The following RBM3 variants were observed in gnomAD, a reference collection of about 807,000 sequenced individuals.
RBM3 encodes RNA-binding protein 3.
Under a neutral mutation model 12.0 loss-of-function variants are expected in RBM3, and 3 were observed. That is an observed-to-expected ratio of 0.25 (90% CI 0.11 to 0.65). RBM3 has a LOEUF of 0.65. Ranked by LOEUF, RBM3 falls within the 30% of genes least tolerant of loss-of-function variation. The pLI, the probability that RBM3 is intolerant of heterozygous loss-of-function variation, is 0.84. For missense variants in RBM3, 108 were observed against 134.5 expected (o/e 0.80, Z 0.97); for synonymous variants, 58 against 45.7 (o/e 1.27, Z -1.08).
rs1185327431 is a variant in RBM3 at position 48,578,359 on chromosome X, G to T, written c.*918G>T. On this transcript the variant is annotated 3_prime_UTR_variant, in exon 7 of 7. Transcript: ENST00000376759. ...GGGCAGAGGTGGGCGGATCACCTGA[G>T]GTCAGGAGTTCGAGACCAGCCTGGC... 3 of 110,759 alleles carry T rather than the reference G, an allele frequency of 2.7e-5. No individual in the cohort carries two copies. Among genetic ancestry groups the T allele is most frequent in the Non-Finnish European group, 5.7e-5 (3 of 52,929 alleles). The allele number at this position is 110,759 out of a possible 1,213,427, so 9.1% of individuals were successfully genotyped here.
chrX:48,580,428 ACT>A lies in RBM3; in HGVS notation c.*2990_*2991del, dbSNP rs1323364044. The stretch of plus-strand genomic sequence containing the variant: ...TTGGTTTTTTTCCAGACAGGGTCTC[ACT>A]CTGTCTCCCAGGCTGGAGTGCAGTG... On this transcript the variant is annotated 3_prime_UTR_variant, in exon 7 of 7. Coordinates refer to ENST00000376759, the MANE Select transcript of RBM3 (RefSeq NM_006743.5). 3.6e-5 allele frequency among the ~76,000 whole-genome samples: 4 copies of A among 110,700 alleles called. No individual in the cohort carries two copies. The highest frequency in any genetic ancestry group is 1.3e-4 in the African/African-American group (4 of 30,394).
intron 2 of RBM3, 136 bp downstream of exon 2, chrX:48,575,419 G>C: frequency 1.3e-6 from 1 of 794,651 alleles, no homozygotes; most frequent in Non-Finnish European, 1.8e-6. Context: ...TGTAGACTAA[G>C]GATGAGGGGA....
chrX:48,576,186 A>G (rs966898722), intron 3 of RBM3, 128 bp from the exon 4 acceptor site: 30 of 1,165,751 alleles, frequency 2.6e-5, no homozygotes, highest in Non-Finnish European at 9.2e-6. Context: ...ATTCTGGAAC[A>G]TGGCACCCAG....
Position 48,575,620 on chromosome X carries a change from A to G in RBM3, c.163A>G (p.Thr55Ala). Residue 55 changes from threonine to alanine, a missense_variant, in exon 3 of 7, where the codon ACC becomes GCC. Coordinates refer to ENST00000376759, the MANE Select transcript of RBM3 (RefSeq NM_006743.5). ...CAGGGGTTTTGGTTTCATCACCTTC[A>G]CCAACCCAGAGCATGCTTCAGTTGC... ...RSRGFGFITF[T>A]NPEHASVAMR... 2 of 1,211,338 alleles carry G rather than the reference A, an allele frequency of 1.7e-6. No homozygotes were observed. Among genetic ancestry groups the G allele is most frequent in the Non-Finnish European group, 2.2e-6 (2 of 895,360 alleles).
At position 48,578,736 on chromosome X, in the gene RBM3, A is replaced by G. The variant is rs1459383604; in HGVS notation, c.*1295A>G. On this transcript the variant is annotated 3_prime_UTR_variant, in exon 7 of 7. Coordinates refer to ENST00000376759, the MANE Select transcript of RBM3 (RefSeq NM_006743.5). ...CTTAGTCCCATTGTTCTGAGAACAT[A>G]AGCACCTAATCTCATGGCGTGAGCT... 1 of 111,801 alleles carries G rather than the reference A, an allele frequency of 8.9e-6. No homozygotes were observed. The highest frequency in any genetic ancestry group is 1.9e-5 in the Non-Finnish European group (1 of 53,197). 9.2% of individuals were successfully genotyped at this position (111,801 alleles called of 1,213,427 possible).
rs1009090754 is a variant in RBM3 at position 48,580,129 on chromosome X, C to T, written c.*2688C>T. 1 of 111,756 alleles carries T rather than the reference C, an allele frequency of 8.9e-6. No individual in the cohort carries two copies. Among genetic ancestry groups the T allele is most frequent in the Non-Finnish European group, 1.9e-5 (1 of 53,187 alleles). 9.2% of individuals were successfully genotyped at this position (111,756 alleles called of 1,213,427 possible). A position where few individuals can be genotyped will look rare whatever the true frequency, so the allele number is the denominator to read the frequency against. On this transcript the variant is annotated 3_prime_UTR_variant, in exon 7 of 7. Coordinates refer to ENST00000376759, the MANE Select transcript of RBM3 (RefSeq NM_006743.5). The stretch of plus-strand genomic sequence containing the variant: ...AGACCAAACACATGGCCTGTAACTA[C>T]TTTTCACTTTCAAGCCCTGGAACTT...
chrX:48,575,514 G>C, intron 2 of RBM3, 47 bp from the exon 3 acceptor site: 2 of 1,101,272 alleles, frequency 1.8e-6, no homozygotes, highest in East Asian at 6.0e-5. Flanking sequence ...CTTAACCTTT[G>C]GGGTACTGAC....
At position 48,577,933 on chromosome X, in the gene RBM3, T is replaced by C. The variant is rs1180589084; in HGVS notation, c.*492T>C. The C allele has an allele frequency of 1.8e-5, 2 of 113,963 alleles. No individual in the cohort carries two copies. The highest frequency in any genetic ancestry group is 6.5e-5 in the African/African-American group (2 of 30,698). The allele number at this position is 113,963 out of a possible 1,213,427, so 9.4% of individuals were successfully genotyped here. A position where few individuals can be genotyped will look rare whatever the true frequency, so the allele number is the denominator to read the frequency against. ...CCATCTGTACTAAACATAAAAAAAT[T>C]AGCCTGGCATGGTGGTGTACGCCTG... is the stretch of plus-strand genomic sequence containing the variant. On this transcript the variant is annotated 3_prime_UTR_variant, in exon 7 of 7. Transcript: ENST00000376759.
chrX:48,580,406 G>T lies in RBM3; in HGVS notation c.*2965G>T, dbSNP rs948455964. On this transcript the variant is annotated 3_prime_UTR_variant, in exon 7 of 7. Transcript: ENST00000376759. ...AGGGGTTAGGAGTGTTTTTTTGTTGGTTTTTTTCCAGACAGGGTCTCACTC... is the reference window on the plus strand; with the variant it reads ...AGGGGTTAGGAGTGTTTTTTTGTTGTTTTTTTTCCAGACAGGGTCTCACTC... 7.2e-5 allele frequency among the ~76,000 whole-genome samples: 8 copies of T among 110,594 alleles called. No homozygotes were observed. The highest frequency in any genetic ancestry group is 3.9e-4 in the Admixed American group (4 of 10,262).
At chrX:48,577,199 C>T in intron 6 of RBM3, 90 bp downstream of exon 6, 2 of 1,178,616 alleles carry the variant, frequency 1.7e-6, no homozygotes, top group Non-Finnish European at 2.3e-6. Context: ...CTCTGCATTT[C>T]TGCTGCCCTC....
rs1312519486 is a variant in RBM3 at position 48,580,824 on chromosome X, A to G, written c.*3383A>G. The G allele has an allele frequency of 1.1e-4, 12 of 111,660 alleles. No homozygotes were observed. The highest frequency in any genetic ancestry group is 3.9e-4 in the African/African-American group (12 of 30,648). 9.2% of individuals were successfully genotyped at this position (111,660 alleles called of 1,213,427 possible). A position where few individuals can be genotyped will look rare whatever the true frequency, so the allele number is the denominator to read the frequency against. On this transcript the variant is annotated 3_prime_UTR_variant, in exon 7 of 7. Coordinates refer to ENST00000376759, the MANE Select transcript of RBM3 (RefSeq NM_006743.5). ...AACTTTTAAAAAGCTTCTTAAAATA[A>G]GTTGCTGTGAATACTTCAGGTATAT...
chrX:48,575,321 G>C (rs1556989001), intron 2 of RBM3, 38 bp downstream of exon 2: 1 of 1,100,230 alleles, frequency 9.1e-7, no homozygotes, highest in African/African-American at 1.8e-5. Context: ...GTTGGTGAGA[G>C]AAAGTCTGGG....
chrX:48,575,912 T>G (rs2062078021), intron 3 of RBM3: 1 of 531,910 alleles, frequency 1.9e-6, no homozygotes, highest in East Asian at 3.7e-5. Flanking sequence ...TTGACCTGCC[T>G]TGGGCTTAGG....
intron 4 of RBM3, 29 bp from the exon 5 acceptor site, chrX:48,576,479 A>G (rs1347335263): frequency 8.4e-7 from 1 of 1,193,830 alleles, no homozygotes; most frequent in Non-Finnish European, 1.1e-6. Context: ...TGTGTGGACA[A>G]CTGCCATTTA....
chrX:48,577,051 T>C lies in RBM3; in HGVS notation c.439T>C (p.Ser147Pro), dbSNP rs1556989484. Residue 147 changes from serine to proline, a missense_variant, in exon 6 of 7, where the codon TCA (serine) becomes CCA (proline). This residue lies in a region of RBM3 where 65 missense variants were observed against 54.9 expected (regional missense o/e 1.18). Transcript: ENST00000376759. The stretch of plus-strand genomic sequence containing the variant: ...AAACCAGGGTGGTTATGACCGCTAC[T>C]CAGGAGGAAATTACAGAGACAATTA... ...GRNQGGYDRY[S>P]GGNYRDNYDN 1 of 1,211,763 alleles carries C rather than the reference T, an allele frequency of 8.3e-7. No individual in the cohort carries two copies. The highest frequency in any genetic ancestry group is 2.2e-5 in the Admixed American group (1 of 45,962).
Position 48,576,379 on chromosome X carries a change from T to C in RBM3, c.276T>C (p.Gly92=), listed in dbSNP as rs2062079895. ...AGTCTGCTCGGGGAACCAGAGGAGG[T>C]GGCTTTGGGGCCCATGGGCGTGGTC... is the stretch of plus-strand genomic sequence containing the variant. ...AGKSARGTRG[G]GFGAHGRGRS... The change falls in exon 4 of 7, where the codon GGT becomes GGC. Residue 92 remains glycine, a synonymous_variant. Transcript: ENST00000376759. 3.3e-6 allele frequency: 4 copies of C among 1,208,875 alleles called. No homozygotes were observed. The highest frequency in any genetic ancestry group is 4.5e-6 in the Non-Finnish European group (4 of 894,897).
Position 48,576,577 on chromosome X carries a change from A to G in RBM3, c.386A>G (p.Tyr129Cys), listed in dbSNP as rs140183600. The change falls in exon 5 of 7, where the codon TAT becomes TGT. Residue 129 changes from tyrosine (Y) to cysteine (C), a missense_variant. Tyr to Cys is a radical substitution (Grantham distance 194). This residue lies in a region of RBM3 where 65 missense variants were observed against 54.9 expected (regional missense o/e 1.18). Transcript: ENST00000376759. The stretch of plus-strand genomic sequence containing the variant: ...CGACCTGGAGGGTATGGATATGGAT[A>G]TGGACGTTCCAGAGACTATAATGGC... The part of the protein sequence containing the change: ...DSRPGGYGYG[Y>C]GRSRDYNGRN... 4.0e-5 allele frequency: 47 copies of G among 1,176,948 alleles called. No individual in the cohort carries two copies. In the African/African-American group the frequency reaches 7.3e-4, roughly 18 times the overall value.
At chrX:48,574,748 G>A (rs1462460703) in intron 1 of RBM3, 175 bp downstream of exon 1, 2 of 330,939 alleles carry the variant, frequency 6.0e-6, no homozygotes, top group African/African-American at 5.3e-5. Flanking sequence ...GTGGGAGGCC[G>A]GCGCGCTGTA....
chrX:48,575,881 C>T (rs2062077958), intron 3 of RBM3: 1 of 514,499 alleles, frequency 1.9e-6, no homozygotes. Flanking sequence ...TGCATGAGGC[C>T]GAGAAGCCAC....
Sources: allele counts gnomAD v4.1 joint callset (sites outside exome capture counted in the v4.1 genomes callset), GRCh38; gene constraint gnomAD v4.1.1; regional missense constraint gnomAD v4.1.1; transcripts MANE v1.5; gene names NCBI Gene and HGNC (gene_info 2026-07-23, HGNC 2026-07-21).